Variants in CNTN5 observed in about 807,000 individuals in gnomAD.
CNTN5 encodes contactin-5.
Under a neutral mutation model 129.1 loss-of-function variants are expected in CNTN5, and 77 were observed. That is an observed-to-expected ratio of 0.60 (90% CI 0.50 to 0.72). The LOEUF is 0.72. CNTN5 is among the 30% of genes least tolerant of loss of function. The pLI is 0.00. For missense variants in CNTN5, 1,478 were observed against 1,328.8 expected, an observed-to-expected ratio of 1.11 and a Z score of -1.75; for synonymous variants, 509 against 465.6, an observed-to-expected ratio of 1.09 and a Z score of -1.20.
At chr11:99,448,531 GA>G (rs1944162628) in intron 2 of CNTN5, among the ~76,000 whole-genome samples, 1 of 151,742 alleles carries the variant, frequency 6.6e-6, no homozygotes, top group African/African-American at 2.4e-5. Flanking sequence ...TCTAGTTAAA[GA>G]TAATTATGTT....
At chr11:99,832,453 T>G (rs1398303747) in intron 4 of CNTN5, among the ~76,000 whole-genome samples, 1 of 152,208 alleles carries the variant, frequency 6.6e-6, no homozygotes, top group Non-Finnish European at 1.5e-5. Flanking sequence ...ACTTATGTTG[T>G]GTGTACAACG....
intron 6 of CNTN5, among the ~76,000 whole-genome samples, chr11:99,904,132 A>G (rs911519781): frequency 6.6e-6 from 1 of 151,044 alleles, no homozygotes. Context: ...TGTATCTTAT[A>G]TATGCTTTTT....
chr11:99,323,026 T>C (rs1008909002), intron 1 of CNTN5, among the ~76,000 whole-genome samples: 1 of 152,164 alleles, frequency 6.6e-6, no homozygotes, highest in East Asian at 1.9e-4. Flanking sequence ...GGTCTAGCTT[T>C]CAAAGAAATG....
intron 17 of CNTN5, among the ~76,000 whole-genome samples, chr11:100,269,596 G>A (rs1950371624): frequency 6.6e-6 from 1 of 152,096 alleles, no homozygotes; most frequent in South Asian, 2.1e-4. Context: ...GTTTCTATTG[G>A]AGTAAAAAGT....
intron 8 of CNTN5, among the ~76,000 whole-genome samples, chr11:99,984,137 C>A (rs1366758258): frequency 6.6e-6 from 1 of 152,022 alleles, no homozygotes; most frequent in Non-Finnish European, 1.5e-5. Context: ...TTTAGCTGGG[C>A]ATGGTGGTAC....
At chr11:99,423,852 G>A (rs746187442) in intron 2 of CNTN5, among the ~76,000 whole-genome samples, 4 of 151,858 alleles carry the variant, frequency 2.6e-5, no homozygotes, top group Non-Finnish European at 5.9e-5. Context: ...TTCGACTAGG[G>A]TGGGTATGGG....
At chr11:99,878,944 T>C (rs1163625620) in intron 6 of CNTN5, among the ~76,000 whole-genome samples, 2 of 152,184 alleles carry the variant, frequency 1.3e-5, no homozygotes, top group African/African-American at 2.4e-5. Context: ...GTTTTTGTTT[T>C]TCTCTTGAGA....
chr11:99,432,817 C>T (rs375382099), intron 2 of CNTN5, among the ~76,000 whole-genome samples: 6 of 150,684 alleles, frequency 4.0e-5, no homozygotes, highest in Admixed American at 6.6e-5. Context: ...GAGTGGCTGG[C>T]GGAAGTATGA....
intron 20 of CNTN5, among the ~76,000 whole-genome samples, chr11:100,307,811 A>G (rs192909272): frequency 6.6e-6 from 1 of 151,786 alleles, no homozygotes; most frequent in East Asian, 1.9e-4. Flanking sequence ...TTGTGAATGA[A>G]CATTTTTAAC....
chr11:99,169,423 C>A (rs932176387), intron 1 of CNTN5, among the ~76,000 whole-genome samples: 2 of 141,448 alleles, frequency 1.4e-5, no homozygotes, highest in Non-Finnish European at 1.5e-5. Context: ...CCACATATGC[C>A]CATAATACGT....
rs149076147 is a variant in CNTN5, at chr11:99,564,868, A to G, written c.55+8599A>G. ...TCGGCTCTTTGTAAATTCAGTCTCC[A>G]TGTTTAAACAAACTCAACAACAGAA... On this transcript the variant is annotated intron_variant, in intron 3 of 24. Coordinates refer to ENST00000524871, the MANE Select transcript of CNTN5 (RefSeq NM_014361.4). Among the ~76,000 whole-genome samples the G allele has an allele frequency of 7.1e-4, 108 of 152,266 alleles. 1 individual carries two copies. Among genetic ancestry groups the G allele is most frequent in the Admixed American group, 2.5e-3 (38 of 15,280 alleles).
chr11:99,922,092 T>C (rs747599472), intron 7 of CNTN5, among the ~76,000 whole-genome samples: 5 of 151,506 alleles, frequency 3.3e-5, no homozygotes, highest in Non-Finnish European at 7.4e-5. Context: ...GAAAAAGAGG[T>C]TTAATGGACT....
intron 9 of CNTN5, among the ~76,000 whole-genome samples, chr11:100,006,224 C>T (rs1200934448): frequency 1.3e-5 from 2 of 152,096 alleles, no homozygotes; most frequent in Non-Finnish European, 2.9e-5. Context: ...AAATTATCAT[C>T]TTTTTGCTGA....
chr11:99,850,616 A>AT (rs768466070), intron 6 of CNTN5, among the ~76,000 whole-genome samples: 93 of 151,590 alleles, frequency 6.1e-4, no homozygotes, highest in Admixed American at 9.2e-4. Context: ...TCGAAAGGTG[A>AT]TTTTTTTTTA....
Position 100,028,322 on chromosome 11 carries a change from C to T in CNTN5, c.980+26186C>T, listed in dbSNP as rs191295776. The stretch of plus-strand genomic sequence containing the variant: ...GTTTAAAGTACCTAATTTCAAATAT[C>T]AGTTCAATTATCTGCCACCTCTATG... On this transcript the variant is annotated intron_variant, in intron 9 of 24. Coordinates refer to ENST00000524871, the MANE Select transcript of CNTN5 (RefSeq NM_014361.4). 6.6e-4 allele frequency among the ~76,000 whole-genome samples: 100 copies of T among 152,252 alleles called. 1 individual carries two copies. Among genetic ancestry groups the T allele is most frequent in the Non-Finnish European group, 4.0e-4 (27 of 68,014 alleles).
intron 13 of CNTN5, among the ~76,000 whole-genome samples, chr11:100,088,070 G>A (rs1440635774): frequency 1.3e-5 from 2 of 151,264 alleles, no homozygotes; most frequent in Non-Finnish European, 3.0e-5. Flanking sequence ...AATAAATGAA[G>A]AGACACAACA....
intron 3 of CNTN5, among the ~76,000 whole-genome samples, chr11:99,594,951 A>C (rs2135679781): frequency 6.6e-6 from 1 of 152,314 alleles, no homozygotes; most frequent in East Asian, 1.9e-4. Flanking sequence ...AAGTGAAATA[A>C]GCCAGGTACA....
At chr11:100,184,039 A>C (rs969767735) in intron 13 of CNTN5, among the ~76,000 whole-genome samples, 9 of 152,242 alleles carry the variant, frequency 5.9e-5, no homozygotes, top group Non-Finnish European at 1.2e-4. Context: ...AGCTCAAATC[A>C]ATCACCCTTC....
chr11:100,330,277 C>T (rs911288247), intron 21 of CNTN5, among the ~76,000 whole-genome samples: 1 of 152,098 alleles, frequency 6.6e-6, no homozygotes, highest in African/African-American at 2.4e-5. Flanking sequence ...CCATCAAAGA[C>T]AAACAGAAAG....
Sources: gnomAD v4.1 joint callset for allele counts (sites outside exome capture counted in the v4.1 genomes callset) on GRCh38, gnomAD v4.1.1 for gene constraint, MANE v1.5 for transcripts, NCBI Gene and HGNC (gene_info 2026-07-23, HGNC 2026-07-21) for gene names.